The following PCDH11X variants were observed in gnomAD, a reference collection of about 807,000 sequenced individuals.
PCDH11X encodes protocadherin-11 X-linked.
Under a neutral mutation model 53.3 loss-of-function variants are expected in PCDH11X, and 18 were observed. The observed-to-expected ratio is 0.34, with a 90% CI of 0.23 to 0.50. PCDH11X has a LOEUF of 0.50. PCDH11X is among the 20% of genes least tolerant of loss of function. PCDH11X has a pLI of 0.98. For synonymous variants in PCDH11X, 279 were observed against 393.3 expected (o/e 0.71, Z 3.44); for missense variants, 570 against 1,032.4 (o/e 0.55, Z 6.14).
chrX:91,891,647 A>G (rs1940476278), intron 6 of PCDH11X, among the ~76,000 whole-genome samples: 1 of 107,005 alleles, frequency 9.3e-6, no homozygotes, highest in East Asian at 3.0e-4. Flanking sequence ...TTGATAAAGC[A>G]TTATCGATAA....
chrX:91,983,404 T>A, intron 6 of PCDH11X: 1 of 943,736 alleles, frequency 1.1e-6, no homozygotes, highest in Non-Finnish European at 1.5e-6. Context: ...CATTCTCAGA[T>A]TTTGTTTTCA....
intron 9 of PCDH11X, among the ~76,000 whole-genome samples, chrX:92,466,159 T>C (rs758545210): frequency 2.8e-3 from 309 of 111,217 alleles, no homozygotes; most frequent in African/African-American, 9.6e-3. Context: ...TCATATTATA[T>C]ACCTCGTCAT....
At chrX:92,612,422 T>C (rs1180003849) in intron 10 of PCDH11X, among the ~76,000 whole-genome samples, 2 of 110,801 alleles carry the variant, frequency 1.8e-5, no homozygotes, top group Non-Finnish European at 3.8e-5. Flanking sequence ...TCTTTTGAAT[T>C]CCTGTGGGAT....
At chrX:92,126,634 A>T (rs1355051855) in intron 6 of PCDH11X, among the ~76,000 whole-genome samples, 16 of 106,166 alleles carry the variant, frequency 1.5e-4, no homozygotes, top group African/African-American at 4.9e-4. Flanking sequence ...AAAAAATAAA[A>T]AAATTAAAAT....
At chrX:92,426,809 C>G (rs1039840960) in intron 9 of PCDH11X, among the ~76,000 whole-genome samples, 16 of 110,499 alleles carry the variant, frequency 1.4e-4, no homozygotes, top group South Asian at 3.8e-4. Flanking sequence ...CGAAAGGGAC[C>G]TTGGAGTTGA....
chrX:92,425,297 C>A lies in PCDH11X; in HGVS notation c.3343+37364C>A, dbSNP rs1194371190. Among the ~76,000 whole-genome samples, 5 of 110,105 alleles carry A rather than the reference C, an allele frequency of 4.5e-5. No homozygotes were observed. The East Asian group carries it at 1.4e-3, about 31-fold the overall frequency. ...TAATGTAGGTGAATTACAGTTTATA[C>A]AAGGATCGTAGCAGTAGATGTGGCA... On this transcript the variant is annotated intron_variant, in intron 9 of 10. Transcript: ENST00000682573.
At chrX:92,270,403 C>T (rs1219396114) in intron 8 of PCDH11X, among the ~76,000 whole-genome samples, 8 of 111,967 alleles carry the variant, frequency 7.1e-5, no homozygotes, top group East Asian at 2.8e-4. Flanking sequence ...GGATTACAGG[C>T]GTGAGCCAAC....
Position 92,460,515 on chromosome X carries a change from C to T in PCDH11X, c.3344-7784C>T, listed in dbSNP as rs2073016255. 8.5e-6 allele frequency: 6 copies of T among 709,842 alleles called. No individual in the cohort carries two copies. The Admixed American group carries it at 1.4e-4, about 16-fold the overall frequency. The allele number at this position is 709,842 out of a possible 1,213,427, so 58.5% of individuals were successfully genotyped here. ...AGAACACCACAGTGGTCACCACAGT[C>T]CGCCGAGGTTGGAGCTGCTGAGATG... On this transcript the variant is annotated intron_variant, in intron 9 of 10. Transcript: ENST00000682573.
chrX:91,853,411 T>A lies in PCDH11X; in HGVS notation c.540+17367T>A, dbSNP rs542183300. On this transcript the variant is annotated intron_variant, in intron 5 of 10. Coordinates refer to ENST00000682573, the MANE Select transcript of PCDH11X (RefSeq NM_032968.5). ...ATCAAATATGAATGTTTTGCCAACC[T>A]AATTTCAAATCTTAACATAAAAAAT... Among the ~76,000 whole-genome samples the A allele has an allele frequency of 4.8e-4, 52 of 108,782 alleles. 1 individual carries two copies. The South Asian group carries it at 0.02, about 42-fold the overall frequency. 94.5% of individuals were successfully genotyped at this position (108,782 alleles called of 115,157 possible). A position where few individuals can be genotyped will look rare whatever the true frequency, so the allele number is the denominator to read the frequency against.
At chrX:92,272,903 T>C (rs753464250) in intron 8 of PCDH11X, among the ~76,000 whole-genome samples, 6 of 112,741 alleles carry the variant, frequency 5.3e-5, no homozygotes, top group African/African-American at 1.6e-4. Context: ...AATAACCTAC[T>C]ATAGAATATC....
intron 8 of PCDH11X, among the ~76,000 whole-genome samples, chrX:92,310,400 T>G (rs988930885): frequency 2.7e-5 from 3 of 112,001 alleles, no homozygotes; most frequent in African/African-American, 9.7e-5. Flanking sequence ...ATTTACTTGT[T>G]TATTTATTGT....
chrX:92,223,969 T>C (rs1440904169), intron 7 of PCDH11X, among the ~76,000 whole-genome samples: 2 of 111,712 alleles, frequency 1.8e-5, no homozygotes, highest in Non-Finnish European at 3.8e-5. Flanking sequence ...CTCAGTTCTT[T>C]AATGCACACA....
chrX:92,421,104 A>C (rs1376703758), intron 9 of PCDH11X, among the ~76,000 whole-genome samples: 2 of 111,465 alleles, frequency 1.8e-5, no homozygotes, highest in Admixed American at 9.5e-5. Context: ...TATTATGTGA[A>C]TAGTTTATTT....
intron 6 of PCDH11X, among the ~76,000 whole-genome samples, chrX:91,961,575 A>T (rs2061788457): frequency 9.1e-6 from 1 of 110,198 alleles, no homozygotes; most frequent in Non-Finnish European, 1.9e-5. Flanking sequence ...CCAAAAAAAA[A>T]TTACTAGAAT....
At chrX:92,534,320 T>A (rs1159813832) in intron 10 of PCDH11X, among the ~76,000 whole-genome samples, 1 of 110,628 alleles carries the variant, frequency 9.0e-6, no homozygotes, top group African/African-American at 3.3e-5. Context: ...GAAGATCAAA[T>A]GAATGAAATG....
intron 6 of PCDH11X, among the ~76,000 whole-genome samples, chrX:91,930,185 A>G (rs750715576): frequency 1.8e-5 from 2 of 108,384 alleles, no homozygotes; most frequent in East Asian, 5.9e-4. Context: ...ATAGTTCTAA[A>G]ACGTAGACTA....
At chrX:92,543,504 C>G (rs2074791286) in intron 10 of PCDH11X, among the ~76,000 whole-genome samples, 1 of 106,578 alleles carries the variant, frequency 9.4e-6, no homozygotes, top group Non-Finnish European at 1.9e-5. Flanking sequence ...AAAGAAATAT[C>G]TAGCTAACTC....
rs781264109 is a variant in PCDH11X, at chrX:91,835,642, C to T, written c.138C>T (p.Asp46=). 6 of 1,211,165 alleles carry T rather than the reference C, an allele frequency of 5.0e-6. No homozygotes were observed. The highest frequency in any genetic ancestry group is 6.7e-6 in the Non-Finnish European group (6 of 895,426). Residue 46 remains aspartate, a synonymous_variant, in exon 5 of 11, where the codon GAC becomes GAT. Transcript: ENST00000682573. The part of the protein sequence containing the change: ...ENVLIGDLLK[D]LNLSLIPNKS... ...TCCTGATAGGCGACTTGTTGAAAGA[C>T]CTTAACTTGTCGCTGATTCCAAACA...
intron 9 of PCDH11X, among the ~76,000 whole-genome samples, chrX:92,402,533 G>A (rs762755243): frequency 2.7e-5 from 3 of 111,840 alleles, no homozygotes; most frequent in East Asian, 5.6e-4. Flanking sequence ...AAGCAATGGG[G>A]AAAGAACTCC....
Sources: gnomAD v4.1 joint callset for allele counts (sites outside exome capture counted in the v4.1 genomes callset) on GRCh38, gnomAD v4.1.1 for gene constraint, MANE v1.5 for transcripts, NCBI Gene and HGNC (gene_info 2026-07-23, HGNC 2026-07-21) for gene names.